ANK2: variants seen among roughly 807,000 people sequenced by gnomAD.
ANK2 encodes the protein ankyrin-2.
Under a neutral mutation model 360.5 loss-of-function variants are expected in ANK2, and 83 were observed. The ratio of observed to expected loss-of-function variants is 0.23; its 90% CI spans 0.19 to 0.28. ANK2 has a LOEUF of 0.28. ANK2 is among the 10% of genes least tolerant of loss of function. The pLI, the probability that ANK2 is intolerant of heterozygous loss-of-function variation, is 1.00. For missense variants in ANK2, 4,201 were observed against 4,795.7 expected (o/e 0.88, Z 3.66); for synonymous variants, 1,740 against 1,759.5 (o/e 0.99, Z 0.28).
chr4:113,117,746 G>C (rs1164520082), intron 1 of ANK2, among the ~76,000 whole-genome samples: 1 of 152,124 alleles, frequency 6.6e-6, no homozygotes, highest in African/African-American at 2.4e-5. Flanking sequence ...AGAAGGAAGG[G>C]GTTGATTTAC....
At chr4:113,262,942 C>A (rs1220331306) in intron 13 of ANK2, among the ~76,000 whole-genome samples, 6 of 151,770 alleles carry the variant, frequency 4.0e-5, no homozygotes, top group African/African-American at 1.2e-4. Flanking sequence ...GTAATCCCAG[C>A]ACTTTGGGAG....
intron 2 of ANK2, among the ~76,000 whole-genome samples, chr4:112,957,721 G>C (rs1385002335): frequency 2.0e-5 from 3 of 151,504 alleles, no homozygotes; most frequent in African/African-American, 7.3e-5. Flanking sequence ...TCCCGGACGG[G>C]GTGGCTGCCG....
chr4:113,275,881 T>C (rs562061367), intron 15 of ANK2, among the ~76,000 whole-genome samples: 19 of 150,518 alleles, frequency 1.3e-4, no homozygotes, highest in African/African-American at 4.1e-4. Context: ...ATTTAAAAAA[T>C]ATAACTATAT....
chr4:113,081,701 A>AT (rs1440806728), intron 1 of ANK2, among the ~76,000 whole-genome samples: 1 of 151,680 alleles, frequency 6.6e-6, no homozygotes, highest in Non-Finnish European at 1.5e-5. Flanking sequence ...TTACAAAGCT[A>AT]TTTTTTTTAG....
At chr4:113,085,403 T>A (rs796937222) in intron 1 of ANK2, among the ~76,000 whole-genome samples, 17 of 152,116 alleles carry the variant, frequency 1.1e-4, no homozygotes, top group African/African-American at 3.9e-4. Flanking sequence ...AACCTCCACC[T>A]CCCAGGTTCA....
intron 43 of ANK2, among the ~76,000 whole-genome samples, chr4:113,371,033 T>C (rs2096720239): frequency 6.6e-6 from 1 of 152,186 alleles, no homozygotes; most frequent in Non-Finnish European, 1.5e-5. Context: ...TATTGTTTTT[T>C]CTTTTAAAAA....
intron 14 of ANK2, among the ~76,000 whole-genome samples, chr4:113,271,321 T>G (rs1020104392): frequency 2.6e-5 from 4 of 152,174 alleles, no homozygotes; most frequent in African/African-American, 9.7e-5. Context: ...CAGCAGCCCT[T>G]CTAGAACCAC....
upstream of ANK2, chr4:113,049,611 G>A (rs534473926): frequency 1.1e-4 from 168 of 1,500,782 alleles, no homozygotes; most frequent in Middle Eastern, 1.8e-4. Context: ...CCCAGTGCGC[G>A]CCCCTTCCCC....
chr4:113,085,912 A>C, intron 1 of ANK2, among the ~76,000 whole-genome samples: 1 of 152,188 alleles, frequency 6.6e-6, no homozygotes, highest in Non-Finnish European at 1.5e-5. Context: ...AGTTCATTAA[A>C]AGCTCTGCAT....
chr4:112,800,189 C>T, the ANK2 span, among the ~76,000 whole-genome samples: 2 of 152,202 alleles, frequency 1.3e-5, no homozygotes, highest in African/African-American at 4.8e-5. Context: ...TCTGGCCTCT[C>T]TCAAGGGAAG....
chr4:113,326,861 C>T (rs988057327), intron 26 of ANK2, among the ~76,000 whole-genome samples: 4 of 152,026 alleles, frequency 2.6e-5, no homozygotes, highest in Admixed American at 2.6e-4. Flanking sequence ...AAACATTAGC[C>T]AGGTGCAATG....
chr4:113,279,601 T>A (rs1298037413), intron 17 of ANK2, among the ~76,000 whole-genome samples: 1 of 150,742 alleles, frequency 6.6e-6, no homozygotes, highest in Non-Finnish European at 1.5e-5. Context: ...AATATATACA[T>A]ATATACTCAT....
intron 5 of ANK2, among the ~76,000 whole-genome samples, chr4:113,233,106 G>GGTTTT (rs2099332584): frequency 1.3e-5 from 1 of 79,646 alleles, no homozygotes; most frequent in Non-Finnish European, 2.5e-5. Flanking sequence ...TGGCTTTTCT[G>GGTTTT]TTTTTTTTTT....
chr4:112,856,319 A>G (rs115175198), intron 1 of ANK2, among the ~76,000 whole-genome samples: 1,717 of 152,330 alleles, frequency 0.011, 31 homozygotes, highest in African/African-American at 0.039. Flanking sequence ...TACTTTTAAT[A>G]AAATAAATTT....
chr4:113,339,979 G>A (rs1195970263), intron 32 of ANK2, among the ~76,000 whole-genome samples: 4 of 152,176 alleles, frequency 2.6e-5, no homozygotes, highest in South Asian at 4.1e-4. Flanking sequence ...TAATTAAAAC[G>A]TACATTTCTA....
chr4:113,049,124 T>A (rs1199141580), upstream of ANK2, among the ~76,000 whole-genome samples: 1 of 152,180 alleles, frequency 6.6e-6, no homozygotes, highest in Non-Finnish European at 1.5e-5. Context: ...GAGAAGCTGT[T>A]CTCAAGGCTT....
In ANK2 at chr4:113,363,445, G is replaced by A; in HGVS notation, c.10864G>A (p.Glu3622Lys). The change falls in exon 40 of 46, where the codon GAG becomes AAG. Residue 3622 changes from glutamate to lysine, a missense_variant. Around this residue, in one of 4 missense-constraint regions of ANK2, gnomAD observed 2,642 missense variants for 2,714.5 expected, o/e 0.97. Coordinates refer to ENST00000357077, the MANE Select transcript of ANK2 (RefSeq NM_001148.6). ...TCATGCACTGTTGAAGTACTGGCTA[G>A]AGAGGGATGGGAAACATGCTACAGG... is the stretch of plus-strand genomic sequence containing the variant. Reference protein sequence around the residue: ...QSHALLKYWLERDGKHATDTN... With the variant: ...QSHALLKYWLKRDGKHATDTN... 1.9e-6 allele frequency: 3 copies of A among 1,613,516 alleles called. No individual in the cohort carries two copies. The highest frequency in any genetic ancestry group is 1.7e-6 in the Non-Finnish European group (2 of 1,179,608).
intron 2 of ANK2, among the ~76,000 whole-genome samples, chr4:113,025,253 G>A (rs916525476): frequency 3.3e-5 from 5 of 152,058 alleles, no homozygotes. Context: ...AAGGTAACAT[G>A]TACAAAATGG....
chr4:113,192,942 CA>C (rs2098694028), intron 2 of ANK2, among the ~76,000 whole-genome samples: 1 of 121,730 alleles, frequency 8.2e-6, no homozygotes, highest in Non-Finnish European at 1.8e-5. Flanking sequence ...AAAAAAAAAA[CA>C]ACCCTTGATG....
Sources: allele counts gnomAD v4.1 joint callset (sites outside exome capture counted in the v4.1 genomes callset), GRCh38; gene constraint gnomAD v4.1.1; regional missense constraint gnomAD v4.1.1; transcripts MANE v1.5; gene names NCBI Gene and HGNC (gene_info 2026-07-23, HGNC 2026-07-21).